STX8: variants seen among roughly 807,000 people sequenced by gnomAD.
STX8 encodes the protein syntaxin 8, also known as syntaxin-8.
Under a neutral mutation model 37.5 loss-of-function variants are expected in STX8, and 23 were observed. That is an observed-to-expected ratio of 0.61 (90% CI 0.44 to 0.87). The LOEUF (loss-of-function observed/expected upper bound fraction) is 0.87. Ranked by LOEUF, STX8 falls within the 40% of genes least tolerant of loss-of-function variation. STX8 has a pLI of 0.00. For synonymous variants in STX8, 115 were observed against 99.1 expected, an observed-to-expected ratio of 1.16 and a Z score of -0.95; for missense variants, 313 against 284.7, an observed-to-expected ratio of 1.10 and a Z score of -0.71.
chr17:9,428,355 C>T (rs922009970), intron 6 of STX8, among the ~76,000 whole-genome samples: 2 of 152,200 alleles, frequency 1.3e-5, no homozygotes, highest in Non-Finnish European at 2.9e-5. Context: ...ATTCTCCTGC[C>T]TCAGCCTCCC....
At chr17:9,368,592 C>T (rs1023488075) in intron 7 of STX8, among the ~76,000 whole-genome samples, 2 of 152,188 alleles carry the variant, frequency 1.3e-5, no homozygotes, top group African/African-American at 4.8e-5. Flanking sequence ...ATGGTGACCA[C>T]GTGCCCCTCC....
intron 6 of STX8, among the ~76,000 whole-genome samples, chr17:9,412,412 T>C (rs1364202660): frequency 6.6e-6 from 1 of 152,030 alleles, no homozygotes; most frequent in East Asian, 1.9e-4. Flanking sequence ...CCCGAGTAGC[T>C]GGGATTACAG....
chr17:9,337,678 A>T (rs186196815), intron 7 of STX8, among the ~76,000 whole-genome samples: 248 of 152,268 alleles, frequency 1.6e-3, no homozygotes, highest in Non-Finnish European at 2.9e-3. Flanking sequence ...GAACCTGCGT[A>T]TTAACAAGAT....
At chr17:9,436,425 G>C (rs1261931276) in intron 6 of STX8, among the ~76,000 whole-genome samples, 1 of 152,006 alleles carries the variant, frequency 6.6e-6, no homozygotes, top group African/African-American at 2.4e-5. Context: ...TCCATGAAAG[G>C]CAAGTCAGAA....
intron 6 of STX8, among the ~76,000 whole-genome samples, chr17:9,420,613 C>T (rs188628986): frequency 1.5e-3 from 231 of 152,312 alleles, no homozygotes; most frequent in Non-Finnish European, 2.9e-3. Context: ...TACTAAGCTT[C>T]CTTCTTCCTT....
intron 4 of STX8, among the ~76,000 whole-genome samples, chr17:9,519,802 A>G (rs1044288645): frequency 3.8e-5 from 3 of 79,878 alleles, no homozygotes; most frequent in Non-Finnish European, 7.9e-5. Flanking sequence ...GAGTGTCCCC[A>G]CCCCCACCCC....
At chr17:9,272,729 G>A (rs939181152) in intron 7 of STX8, among the ~76,000 whole-genome samples, 1 of 152,196 alleles carries the variant, frequency 6.6e-6, no homozygotes, top group African/African-American at 2.4e-5. Context: ...CATTCTTGAA[G>A]TATATTCTTT....
intron 7 of STX8, among the ~76,000 whole-genome samples, chr17:9,360,918 C>T (rs568975503): frequency 2.9e-4 from 44 of 152,206 alleles, no homozygotes; most frequent in African/African-American, 9.1e-4. Flanking sequence ...CCCGCGGTGC[C>T]GGCTACAGGT....
intron 4 of STX8, among the ~76,000 whole-genome samples, chr17:9,505,535 A>G (rs929320991): frequency 6.6e-6 from 1 of 152,222 alleles, no homozygotes; most frequent in African/African-American, 2.4e-5. Flanking sequence ...TTTGTCTCAG[A>G]GGCTACGTGA....
intron 7 of STX8, among the ~76,000 whole-genome samples, chr17:9,342,104 G>A (rs374431647): frequency 3.3e-5 from 5 of 152,170 alleles, no homozygotes; most frequent in South Asian, 2.1e-4. Context: ...TCAGATCATC[G>A]GGCATTAGAG....
At chr17:9,327,134 G>A (rs1205187004) in intron 7 of STX8, among the ~76,000 whole-genome samples, 2 of 149,842 alleles carry the variant, frequency 1.3e-5, no homozygotes, top group Admixed American at 1.3e-4. Context: ...TCCAGCCTGG[G>A]CAACAAGAGC....
At chr17:9,281,032 TAGAG>T (rs1231211724) in intron 7 of STX8, among the ~76,000 whole-genome samples, 1 of 152,064 alleles carries the variant, frequency 6.6e-6, no homozygotes, top group African/African-American at 2.4e-5. Context: ...ATCTGGGCAA[TAGAG>T]AGGCTCTGAG....
chr17:9,454,521 A>G (rs1009779641), intron 6 of STX8, among the ~76,000 whole-genome samples: 1 of 152,030 alleles, frequency 6.6e-6, no homozygotes, highest in African/African-American at 2.4e-5. Context: ...TACTAAAAAA[A>G]TACAAAAAAT....
intron 7 of STX8, among the ~76,000 whole-genome samples, chr17:9,335,527 A>C (rs1910106487): frequency 6.6e-6 from 1 of 152,182 alleles, no homozygotes; most frequent in South Asian, 2.1e-4. Context: ...TTCAAACCAC[A>C]GCACATGTAG....
chr17:9,437,613 T>C (rs887372083), intron 6 of STX8, among the ~76,000 whole-genome samples: 4 of 152,224 alleles, frequency 2.6e-5, no homozygotes, highest in Non-Finnish European at 5.9e-5. Context: ...TAGGCCTCAA[T>C]AGTTACTTAT....
chr17:9,535,230 A>C (rs1271895392), intron 4 of STX8, among the ~76,000 whole-genome samples: 2 of 152,046 alleles, frequency 1.3e-5, no homozygotes, highest in African/African-American at 4.8e-5. Context: ...ATATTACTAT[A>C]TAAAACTCTC....
chr17:9,414,035 CATCT>C, intron 6 of STX8, among the ~76,000 whole-genome samples: 1 of 139,904 alleles, frequency 7.1e-6, no homozygotes, highest in Middle Eastern at 3.8e-3. Flanking sequence ...TCCATCCAAC[CATCT>C]ATCTGCCCGT....
intron 7 of STX8, among the ~76,000 whole-genome samples, chr17:9,298,458 T>A (rs1567773648): frequency 6.6e-6 from 1 of 152,170 alleles, no homozygotes; most frequent in Non-Finnish European, 1.5e-5. Context: ...CTGCTTTGTC[T>A]TTCCCTCTTC....
chr17:9,308,152 C>G (rs1909066915), intron 7 of STX8, among the ~76,000 whole-genome samples: 1 of 152,192 alleles, frequency 6.6e-6, no homozygotes, highest in South Asian at 2.1e-4. Context: ...GAAATGTGAT[C>G]AAACAAAGAC....
Sources: gnomAD v4.1 joint callset for allele counts (sites outside exome capture counted in the v4.1 genomes callset) on GRCh38, gnomAD v4.1.1 for gene constraint, MANE v1.5 for transcripts, NCBI Gene and HGNC (gene_info 2026-07-23, HGNC 2026-07-21) for gene names.